Variants in QSOX2 observed in about 807,000 individuals in gnomAD.
The protein encoded by QSOX2 is quiescin sulfhydryl oxidase 2, also known as sulfhydryl oxidase 2.
A neutral mutation model predicts 61.7 loss-of-function variants in QSOX2; 46 were observed. That is an observed-to-expected ratio of 0.75 (90% CI 0.59 to 0.95). The LOEUF is 0.95. Ranked by LOEUF, QSOX2 falls within the 40% of genes least tolerant of loss-of-function variation. QSOX2 has a pLI of 0.00. For missense variants in QSOX2, 879 were observed against 918.9 expected (o/e 0.96, Z 0.56); for synonymous variants, 383 against 388.4 (o/e 0.99, Z 0.16).
chr9:136,206,506 A>C lies in QSOX2; in HGVS notation c.*2222T>G, dbSNP rs1371243720. 1 of 152,532 alleles carries C rather than the reference A, an allele frequency of 6.6e-6. No homozygotes were observed. The highest frequency in any genetic ancestry group is 2.4e-5 in the African/African-American group (1 of 41,454). The allele number at this position is 152,532 out of a possible 1,614,324, so 9.4% of individuals were successfully genotyped here. On this transcript the variant is annotated 3_prime_UTR_variant, in exon 12 of 12. Transcript: ENST00000358701. ...AAATAAGCATTTAAATTACTGAACT[A>C]TTATATTCATTAGTCTCAATACCTC... is the stretch of plus-strand genomic sequence containing the variant.
At chr9:136,243,555 T>A (rs1250363211) in intron 1 of QSOX2, among the ~76,000 whole-genome samples, 1 of 152,266 alleles carries the variant, frequency 6.6e-6, no homozygotes. Flanking sequence ...TTTATGTCTC[T>A]CTGCCTATAA....
At chr9:136,231,204 G>A (rs1374765068) in intron 1 of QSOX2, among the ~76,000 whole-genome samples, 2 of 152,190 alleles carry the variant, frequency 1.3e-5, no homozygotes, top group Admixed American at 6.5e-5. Flanking sequence ...CGTCAGGTCC[G>A]CATAGCACAC....
chr9:136,212,589 C>T (rs1175887658), intron 10 of QSOX2, among the ~76,000 whole-genome samples: 5 of 152,262 alleles, frequency 3.3e-5, no homozygotes, highest in African/African-American at 1.2e-4. Flanking sequence ...GGCAGCTGGG[C>T]GGTGTCTCAG....
intron 2 of QSOX2, among the ~76,000 whole-genome samples, chr9:136,225,475 C>T (rs953001402): frequency 2.6e-5 from 4 of 152,060 alleles, no homozygotes; most frequent in Admixed American, 6.5e-5. Context: ...AGACACTTCA[C>T]CCATGACACC....
At chr9:136,215,365 C>G in intron 9 of QSOX2, 61 bp from the exon 10 acceptor site, 5 of 1,530,554 alleles carry the variant, frequency 3.3e-6, no homozygotes, top group Non-Finnish European at 4.4e-6. Context: ...AAATTAAAAA[C>G]AGTCGACAGC....
rs1424071633 is a variant in QSOX2 at position 136,208,602 on chromosome 9, C to G, written c.*126G>C. Reference sequence around the variant, plus strand: ...ACCAGGACTTTGAAGCCAAAAGGTGCCATCCGATGTGAAACCAGGCCCGCA... The same window carrying G: ...ACCAGGACTTTGAAGCCAAAAGGTGGCATCCGATGTGAAACCAGGCCCGCA... On this transcript the variant is annotated 3_prime_UTR_variant, in exon 12 of 12. Coordinates refer to ENST00000358701, the MANE Select transcript of QSOX2 (RefSeq NM_181701.4). 8.9e-7 allele frequency: 1 copy of G among 1,127,030 alleles called. No homozygotes were observed. The highest frequency in any genetic ancestry group is 1.2e-6 in the Non-Finnish European group (1 of 824,178). 69.8% of individuals were successfully genotyped at this position (1,127,030 alleles called of 1,614,324 possible). A position where few individuals can be genotyped will look rare whatever the true frequency, so the allele number is the denominator to read the frequency against.
chr9:136,210,830 A>T, intron 11 of QSOX2: 1 of 984,820 alleles, frequency 1.0e-6, no homozygotes, highest in Non-Finnish European at 1.2e-6. Flanking sequence ...GCCCTATTTA[A>T]TTATTTTTTT....
intron 1 of QSOX2, among the ~76,000 whole-genome samples, chr9:136,235,340 G>C (rs1438696558): frequency 6.6e-6 from 1 of 152,190 alleles, no homozygotes; most frequent in Non-Finnish European, 1.5e-5. Flanking sequence ...CATGTGCTGG[G>C]GATGCAAGAC....
At position 136,235,831 on chromosome 9, in the gene QSOX2, C is replaced by T. The variant is rs193254643; in HGVS notation, c.329-8957G>A. ...TCTCCACATCCAAGACCACGGACTC[C>T]GGGCACACAGAAAGGCATGGGTCTC... On this transcript the variant is annotated intron_variant, in intron 1 of 11. Coordinates refer to ENST00000358701, the MANE Select transcript of QSOX2 (RefSeq NM_181701.4). Among the ~76,000 whole-genome samples the T allele has an allele frequency of 6.2e-4, 95 of 152,300 alleles. 1 individual carries two copies. The highest frequency in any genetic ancestry group is 2.1e-3 in the African/African-American group (89 of 41,570).
chr9:136,210,224 A>T, intron 11 of QSOX2: 1 of 985,478 alleles, frequency 1.0e-6, no homozygotes, highest in Non-Finnish European at 1.2e-6. Context: ...CCCTGGGCAG[A>T]AGACCCCAGG....
intron 1 of QSOX2, among the ~76,000 whole-genome samples, chr9:136,235,351 C>T (rs1277890598): frequency 6.6e-6 from 1 of 152,186 alleles, no homozygotes; most frequent in Non-Finnish European, 1.5e-5. Flanking sequence ...GATGCAAGAC[C>T]AGGGACACTG....
At chr9:136,226,523 T>C (rs1412264376) in intron 2 of QSOX2, among the ~76,000 whole-genome samples, 1 of 152,166 alleles carries the variant, frequency 6.6e-6, no homozygotes, top group Non-Finnish European at 1.5e-5. Flanking sequence ...ATCCCCTCCA[T>C]GTGACCGGGT....
intron 1 of QSOX2, among the ~76,000 whole-genome samples, chr9:136,232,162 A>C (rs764471107): frequency 9.9e-5 from 15 of 152,170 alleles, no homozygotes; most frequent in African/African-American, 1.9e-4. Flanking sequence ...ACGTTGACAG[A>C]AATGTCGTTA....
chr9:136,208,821 G>A lies in QSOX2; in HGVS notation c.2004C>T (p.Tyr668=), dbSNP rs80011349. 2,410 of 1,614,010 alleles carry A rather than the reference G, an allele frequency of 1.5e-3. 39 individuals are homozygous for A. In the East Asian group the frequency reaches 0.041, roughly 27 times the overall value. The change falls in exon 12 of 12, where the codon TAC becomes TAT. Residue 668 remains tyrosine (Y), a synonymous_variant. Transcript: ENST00000358701. ...CCATGAGGAACAGGGATGAAGCCAC[G>A]TACAGCACGACACAGAGACTCATGT... ...SLDMSLCVVL[Y]VASSLFLMVM...
intron 1 of QSOX2, among the ~76,000 whole-genome samples, chr9:136,231,567 G>A (rs990234678): frequency 6.6e-6 from 1 of 152,250 alleles, no homozygotes; most frequent in African/African-American, 2.4e-5. Flanking sequence ...AATCAGCCTG[G>A]CGGCCCATCC....
chr9:136,216,588 T>C lies in QSOX2; in HGVS notation c.1209+12A>G. 2 of 1,613,454 alleles carry C rather than the reference T, an allele frequency of 1.2e-6. No individual in the cohort carries two copies. The highest frequency in any genetic ancestry group is 1.7e-6 in the Non-Finnish European group (2 of 1,179,682). ...AGGGTGCAGCGTGGCTGGCGAGGGT[T>C]CTGGGGCTCACCCGCATCTTGTTGT... On this transcript the variant is annotated intron_variant, in intron 9 of 11. Transcript: ENST00000358701.
intron 1 of QSOX2, among the ~76,000 whole-genome samples, chr9:136,240,729 G>A (rs188986691): frequency 7.9e-5 from 12 of 152,342 alleles, no homozygotes; most frequent in Non-Finnish European, 1.6e-4. Context: ...CCGGGCACAC[G>A]CTACGGTCGC....
At chr9:136,229,298 C>T (rs1048710731) in intron 1 of QSOX2, among the ~76,000 whole-genome samples, 5 of 152,306 alleles carry the variant, frequency 3.3e-5, no homozygotes, top group African/African-American at 4.8e-5. Context: ...ACCCAGTCAG[C>T]GCAGCAGACG....
intron 11 of QSOX2, chr9:136,210,132 C>T: frequency 1.0e-6 from 1 of 985,482 alleles, no homozygotes; most frequent in African/African-American, 1.7e-5. Flanking sequence ...GCACACGAAG[C>T]CAGAGGGGAC....
Sources: allele counts gnomAD v4.1 joint callset (sites outside exome capture counted in the v4.1 genomes callset), GRCh38; gene constraint gnomAD v4.1.1; transcripts MANE v1.5; gene names NCBI Gene and HGNC (gene_info 2026-07-23, HGNC 2026-07-21).